Variants in KCNH1 observed in about 807,000 individuals in gnomAD.
KCNH1 encodes the protein potassium voltage-gated channel subfamily H member 1.
KCNH1 carries 27 observed loss-of-function variants against 69.2 expected under a neutral mutation model. The ratio of observed to expected loss-of-function variants is 0.39; its 90% CI spans 0.29 to 0.54. KCNH1 has a LOEUF of 0.54. Ranked by LOEUF, KCNH1 falls within the 20% of genes least tolerant of loss-of-function variation. The pLI, the probability that KCNH1 is intolerant of heterozygous loss-of-function variation, is 0.68. For missense variants in KCNH1, 798 were observed against 1,261.6 expected (o/e 0.63, Z 5.57); for synonymous variants, 456 against 487.7 (o/e 0.93, Z 0.86).
chr1:210,797,614 G>T lies in KCNH1; in HGVS notation c.1809C>A (p.Ala603=), dbSNP rs1298857972. Residue 603 remains alanine (A), a synonymous_variant, in exon 9 of 11, where the codon GCC becomes GCA. Transcript: ENST00000271751. ...LAMEFQTVHC[A]PGDLIYHAGE... The stretch of plus-strand genomic sequence containing the variant: ...CTGCATGGTAGATGAGGTCCCCTGG[G>T]GCACAGTGCACCGTCTGGAACTCCA... The T allele has an allele frequency of 2.5e-6, 4 of 1,614,096 alleles. No homozygotes were observed. Among genetic ancestry groups the T allele is most frequent in the African/African-American group, 1.3e-5 (1 of 74,934 alleles).
chr1:210,713,211 A>G (rs2149018566), intron 10 of KCNH1, among the ~76,000 whole-genome samples: 1 of 152,372 alleles, frequency 6.6e-6, no homozygotes, highest in Non-Finnish European at 1.5e-5. Flanking sequence ...CAGAAGGAAA[A>G]TAAAGGTAAG....
chr1:210,813,542 C>T (rs1684752504), intron 7 of KCNH1, among the ~76,000 whole-genome samples: 1 of 152,172 alleles, frequency 6.6e-6, no homozygotes, highest in African/African-American at 2.4e-5. Flanking sequence ...GTAAGAGCAA[C>T]ACATCTAATT....
At chr1:211,041,190 C>A (rs1689989202) in intron 5 of KCNH1, among the ~76,000 whole-genome samples, 1 of 152,210 alleles carries the variant, frequency 6.6e-6, no homozygotes, top group Non-Finnish European at 1.5e-5. Context: ...ACTACTGCCT[C>A]CACTTGCTAA....
intron 6 of KCNH1, among the ~76,000 whole-genome samples, chr1:210,967,149 A>T (rs1688421920): frequency 6.6e-6 from 1 of 152,058 alleles, no homozygotes; most frequent in Non-Finnish European, 1.5e-5. Flanking sequence ...CAGGGAGGGG[A>T]ACATCACACA....
intron 7 of KCNH1, among the ~76,000 whole-genome samples, chr1:210,814,668 C>A (rs1042087109): frequency 1.3e-5 from 2 of 152,140 alleles, no homozygotes; most frequent in African/African-American, 4.8e-5. Flanking sequence ...ATCCTCACTT[C>A]TTAGGGTGGC....
At chr1:210,728,603 A>G (rs1682667431) in intron 10 of KCNH1, among the ~76,000 whole-genome samples, 1 of 152,216 alleles carries the variant, frequency 6.6e-6, no homozygotes, top group Admixed American at 6.5e-5. Flanking sequence ...GGTTTGAGGT[A>G]TGTGTGCAGA....
chr1:210,739,940 T>C (rs1423651857), intron 10 of KCNH1, among the ~76,000 whole-genome samples: 4 of 152,088 alleles, frequency 2.6e-5, no homozygotes. Context: ...CATTATAGTC[T>C]CAGTCCTAAA....
intron 7 of KCNH1, among the ~76,000 whole-genome samples, chr1:210,890,641 T>C (rs1422573879): frequency 1.3e-5 from 2 of 151,534 alleles, no homozygotes; most frequent in South Asian, 2.1e-4. Flanking sequence ...CTGCAATCTA[T>C]CCATCTGACA....
chr1:210,971,736 G>A (rs1688515341), intron 6 of KCNH1, among the ~76,000 whole-genome samples: 1 of 152,012 alleles, frequency 6.6e-6, no homozygotes, highest in African/African-American at 2.4e-5. Context: ...TCTGGAGAAT[G>A]AGTTGTTCAA....
chr1:211,088,184 C>G (rs1023764980), intron 4 of KCNH1, among the ~76,000 whole-genome samples: 11 of 152,186 alleles, frequency 7.2e-5, no homozygotes, highest in Middle Eastern at 3.2e-3. Context: ...GAGCAATTAT[C>G]TGGGAATTTT....
intron 10 of KCNH1, among the ~76,000 whole-genome samples, chr1:210,709,385 C>T (rs1681996396): frequency 6.6e-6 from 1 of 152,162 alleles, no homozygotes; most frequent in South Asian, 2.1e-4. Flanking sequence ...GGGAGAGAGG[C>T]ATGGAACAGA....
At chr1:211,069,419 G>A (rs1297668005) in intron 5 of KCNH1, among the ~76,000 whole-genome samples, 1 of 152,000 alleles carries the variant, frequency 6.6e-6, no homozygotes, top group Non-Finnish European at 1.5e-5. Flanking sequence ...ATCAGAACCA[G>A]ACCCAGGTAT....
chr1:211,041,356 T>C (rs895884451), intron 5 of KCNH1, among the ~76,000 whole-genome samples: 8 of 152,204 alleles, frequency 5.3e-5, no homozygotes, highest in Non-Finnish European at 7.3e-5. Flanking sequence ...ACCACAAAGA[T>C]GTGCAGCTTA....
At chr1:211,072,015 C>T (rs1211290191) in intron 5 of KCNH1, among the ~76,000 whole-genome samples, 3 of 152,164 alleles carry the variant, frequency 2.0e-5, no homozygotes, top group African/African-American at 7.2e-5. Flanking sequence ...GTGGCTCACA[C>T]CTGTAATCCC....
intron 10 of KCNH1, among the ~76,000 whole-genome samples, chr1:210,729,989 A>G (rs1292185081): frequency 1.3e-5 from 2 of 152,114 alleles, no homozygotes; most frequent in African/African-American, 4.8e-5. Flanking sequence ...GTCGGTCAAG[A>G]GAGTCCCCCA....
chr1:211,055,177 C>T (rs1206354280), intron 5 of KCNH1, among the ~76,000 whole-genome samples: 2 of 152,168 alleles, frequency 1.3e-5, no homozygotes, highest in African/African-American at 2.4e-5. Context: ...GAAAAGACAG[C>T]TGTAAATTGC....
intron 5 of KCNH1, among the ~76,000 whole-genome samples, chr1:211,034,445 G>T (rs1571595279): frequency 6.6e-6 from 1 of 151,960 alleles, no homozygotes; most frequent in East Asian, 1.9e-4. Context: ...GGGGGTGGGG[G>T]GTGCCCATAA....
chr1:210,819,329 G>A (rs2102424084), intron 7 of KCNH1, among the ~76,000 whole-genome samples: 1 of 152,264 alleles, frequency 6.6e-6, no homozygotes, highest in East Asian at 1.9e-4. Context: ...GGAAAAATGT[G>A]TAGAGAAAAA....
chr1:211,114,712 C>T (rs1691535573), intron 1 of KCNH1, among the ~76,000 whole-genome samples: 1 of 152,170 alleles, frequency 6.6e-6, no homozygotes, highest in Non-Finnish European at 1.5e-5. Context: ...TAGCCAAATG[C>T]ACACAGATGG....
Sources: allele counts gnomAD v4.1 joint callset (sites outside exome capture counted in the v4.1 genomes callset), GRCh38; gene constraint gnomAD v4.1.1; transcripts MANE v1.5; gene names NCBI Gene and HGNC (gene_info 2026-07-23, HGNC 2026-07-21).